The following DAB1 variants were observed in gnomAD, a reference collection of about 807,000 sequenced individuals.
DAB1 encodes the protein DAB adaptor protein 1.
In DAB1, 15 loss-of-function variants were observed where a neutral mutation model predicts 64.6. The ratio of observed to expected loss-of-function variants is 0.23; its 90% CI spans 0.16 to 0.36. The LOEUF (loss-of-function observed/expected upper bound fraction) is 0.36. Among genes scored for constraint, DAB1 ranks in the 10% least tolerant of loss-of-function variants. DAB1 has a pLI of 1.00. For synonymous variants in DAB1, 235 were observed against 251.9 expected (o/e 0.93, Z 0.64); for missense variants, 596 against 706.7 (o/e 0.84, Z 1.78).
intron 1 of DAB1, among the ~76,000 whole-genome samples, chr1:57,417,531 G>A (rs1294104035): frequency 6.6e-6 from 1 of 152,072 alleles, no homozygotes; most frequent in Non-Finnish European, 1.5e-5. Flanking sequence ...AGGTTCTATG[G>A]CAAATGAATT....
chr1:57,210,444 C>G (rs1249996655), intron 2 of DAB1, among the ~76,000 whole-genome samples: 1 of 152,064 alleles, frequency 6.6e-6, no homozygotes, highest in East Asian at 1.9e-4. Flanking sequence ...GTAAAGACAG[C>G]AGGGGCCTAC....
In DAB1 at chr1:57,014,968, T is replaced by A. The variant is rs781052855; in HGVS notation, c.1359A>T (p.Ala453=). The change falls in exon 12 of 15, where the codon GCA becomes GCT. Residue 453 remains alanine, a synonymous_variant. Coordinates refer to ENST00000371236, the MANE Select transcript of DAB1 (RefSeq NM_001365792.1). ...AGTCATCACAGTCGTCTGTATCCTG[T>A]GCCACCCCGACTTTGTTGAAGTAAC... ...FSSYFNKVGV[A]QDTDDCDDFD... is the part of the protein sequence containing the mutation. 22 of 1,614,038 alleles carry A rather than the reference T, an allele frequency of 1.4e-5. No individual in the cohort carries two copies. In the South Asian group the frequency reaches 2.4e-4, roughly 18 times the overall value.
chr1:57,089,658 T>A (rs373066222), intron 4 of DAB1, among the ~76,000 whole-genome samples: 2 of 152,284 alleles, frequency 1.3e-5, no homozygotes, highest in South Asian at 4.1e-4. Flanking sequence ...CACTAAGCCA[T>A]GCGGGATCCG....
At chr1:58,410,581 C>G (rs529951692) in intron 3 of DAB1, among the ~76,000 whole-genome samples, 16 of 152,332 alleles carry the variant, frequency 1.1e-4, no homozygotes, top group African/African-American at 3.8e-4. Flanking sequence ...GCAGGTCTTA[C>G]TAGTCCCATT....
At chr1:57,645,812 TG>T (rs1364741651) in intron 7 of DAB1, among the ~76,000 whole-genome samples, 2 of 152,162 alleles carry the variant, frequency 1.3e-5, no homozygotes, top group Non-Finnish European at 2.9e-5. Flanking sequence ...ACACCACCAC[TG>T]CCACCAAAAA....
In DAB1 at chr1:58,065,906, A is replaced by G. The variant is rs1279283740; in HGVS notation, n.387+84605T>C. 3.3e-5 allele frequency among the ~76,000 whole-genome samples: 5 copies of G among 152,288 alleles called. No individual in the cohort carries two copies. In the South Asian group the frequency reaches 6.2e-4, roughly 19 times the overall value. ...GTTATTGGATGAAGGCTATCAGAGG[A>G]AGGATCTGACCTTGGGCAAGGCAGC... On this transcript the variant is annotated intron_variant and non_coding_transcript_variant, in intron 5 of 20. Coordinates refer to the DAB1 transcript ENST00000485760.
At chr1:57,804,904 T>C (rs929828874) in intron 6 of DAB1, among the ~76,000 whole-genome samples, 2 of 152,222 alleles carry the variant, frequency 1.3e-5, no homozygotes, top group South Asian at 2.1e-4. Context: ...ATTATTCAAA[T>C]TGGAGATTTG....
chr1:58,148,262 C>A (rs1654723265), intron 5 of DAB1, among the ~76,000 whole-genome samples: 1 of 152,180 alleles, frequency 6.6e-6, no homozygotes, highest in South Asian at 2.1e-4. Context: ...TCTTAACTGG[C>A]CTGTCTTCCA....
intron 3 of DAB1, among the ~76,000 whole-genome samples, chr1:58,389,239 A>C (rs1015531971): frequency 6.6e-6 from 1 of 152,150 alleles, no homozygotes; most frequent in African/African-American, 2.4e-5. Flanking sequence ...GTTGTTTGAG[A>C]CCAGCCAGGG....
Position 58,056,885 on chromosome 1 carries a change from G to T in DAB1, n.387+93626C>A, listed in dbSNP as rs12037479. Among the ~76,000 whole-genome samples, 678 of 151,952 alleles carry T rather than the reference G, an allele frequency of 4.5e-3. 27 individuals carry two copies. The East Asian group carries it at 0.094, about 21-fold the overall frequency. Reference sequence around the variant, plus strand: ...TTCTTCACAGGACTTCCTAGTCTTGGTTCCAGTACCTGCTCCCTCACCCAC... The same window carrying T: ...TTCTTCACAGGACTTCCTAGTCTTGTTTCCAGTACCTGCTCCCTCACCCAC... On this transcript the variant is annotated intron_variant and non_coding_transcript_variant, in intron 5 of 20. Transcript: ENST00000485760.
chr1:58,042,729 A>T (rs1647155821), intron 5 of DAB1, among the ~76,000 whole-genome samples: 1 of 152,212 alleles, frequency 6.6e-6, no homozygotes, highest in African/African-American at 2.4e-5. Flanking sequence ...ACTTCAACAC[A>T]TCTGAAACTC....
intron 1 of DAB1, among the ~76,000 whole-genome samples, chr1:57,403,866 C>T (rs1683431313): frequency 1.3e-5 from 2 of 152,162 alleles, no homozygotes; most frequent in Admixed American, 6.5e-5. Flanking sequence ...CTCAGTCTCA[C>T]TAGCTACATT....
chr1:57,072,419 C>G lies in DAB1; in HGVS notation c.307-5G>C. On this transcript the variant is annotated splice_polypyrimidine_tract_variant and splice_region_variant and intron_variant, in intron 4 of 14. Coordinates refer to ENST00000371236, the MANE Select transcript of DAB1 (RefSeq NM_001365792.1). Reference sequence around the variant, plus strand: ...AGCATGATGATGCTGAAGGGCCTATCAGAGAAAAAAAAGGAAGAACATATT... The same window carrying G: ...AGCATGATGATGCTGAAGGGCCTATGAGAGAAAAAAAAGGAAGAACATATT... 1.2e-6 allele frequency: 2 copies of G among 1,606,754 alleles called. No homozygotes were observed. The highest frequency in any genetic ancestry group is 1.7e-6 in the Non-Finnish European group (2 of 1,177,310).
chr1:57,439,424 T>TC (rs1491187144), intron 7 of DAB1, among the ~76,000 whole-genome samples: 11 of 117,110 alleles, frequency 9.4e-5, no homozygotes, highest in African/African-American at 4.4e-4. Context: ...TGAGGTTTTT[T>TC]CTTTTTTTTT....
intron 1 of DAB1, chr1:57,866,190 C>G (rs1654293369): frequency 6.6e-6 from 1 of 152,126 alleles, no homozygotes; most frequent in African/African-American, 2.4e-5. Context: ...ATAACGTATA[C>G]AAAATAATTA....
At chr1:57,162,600 A>G (rs2100891306) in intron 2 of DAB1, among the ~76,000 whole-genome samples, 1 of 152,300 alleles carries the variant, frequency 6.6e-6, no homozygotes, top group Non-Finnish European at 1.5e-5. Context: ...TACAACTTCC[A>G]TGGGGTCACC....
At position 58,258,120 on chromosome 1, in the gene DAB1, C is replaced by A. The variant is rs1045397081; in HGVS notation, n.309+85232G>T. Among the ~76,000 whole-genome samples the A allele has an allele frequency of 2.0e-5, 3 of 152,202 alleles. No individual in the cohort carries two copies. The East Asian group carries it at 5.8e-4, about 29-fold the overall frequency. ...GTTCCCCAGGATAGGCACTCATCAGCTCTCCTGTCCCAGCATTGTTACGGC... is the reference window on the plus strand; with the variant it reads ...GTTCCCCAGGATAGGCACTCATCAGATCTCCTGTCCCAGCATTGTTACGGC... On this transcript the variant is annotated intron_variant and non_coding_transcript_variant, in intron 4 of 20. Coordinates refer to the DAB1 transcript ENST00000485760.
chr1:57,201,541 G>A lies in DAB1; in HGVS notation c.68-56112C>T, dbSNP rs147834633. Among the ~76,000 whole-genome samples the A allele has an allele frequency of 5.9e-5, 9 of 151,884 alleles. No homozygotes were observed. The East Asian group carries it at 1.8e-3, about 30-fold the overall frequency. On this transcript the variant is annotated intron_variant, in intron 2 of 14. Transcript: ENST00000371236. ...CACTTTTCTAGACTTCACCAATTAT[G>A]TGAGGGCCCTATTTACGATTTGATG...
intron 1 of DAB1, among the ~76,000 whole-genome samples, chr1:57,368,185 A>G (rs1484102845): frequency 6.6e-6 from 1 of 152,196 alleles, no homozygotes; most frequent in Non-Finnish European, 1.5e-5. Context: ...TGATGAGGAT[A>G]AGAGGGAAGC....
Sources: allele counts gnomAD v4.1 joint callset (sites outside exome capture counted in the v4.1 genomes callset), GRCh38; gene constraint gnomAD v4.1.1; transcripts MANE v1.5; gene names NCBI Gene and HGNC (gene_info 2026-07-23, HGNC 2026-07-21).